CFAP46: variants seen among roughly 807,000 people sequenced by gnomAD.
CFAP46 encodes the protein cilia and flagella associated protein 46.
A neutral mutation model predicts 325.7 loss-of-function variants in CFAP46; 245 were observed. The observed-to-expected ratio is 0.75, with a 90% CI of 0.68 to 0.84. CFAP46 has a LOEUF of 0.84. CFAP46 is among the 40% of genes least tolerant of loss of function. The pLI, the probability that CFAP46 is intolerant of heterozygous loss-of-function variation, is 0.00. For synonymous variants in CFAP46, 1,523 were observed against 1,495.9 expected, an observed-to-expected ratio of 1.02 and a Z score of -0.42; for missense variants, 3,346 against 3,543.0, an observed-to-expected ratio of 0.94 and a Z score of 1.41.
At chr10:132,892,910 A>C (rs973965652) in intron 24 of CFAP46, among the ~76,000 whole-genome samples, 4 of 152,206 alleles carry the variant, frequency 2.6e-5, no homozygotes, top group Non-Finnish European at 5.9e-5. Context: ...GCCCCACACC[A>C]GGAACTTCAG....
chr10:132,851,297 G>T lies in CFAP46; in HGVS notation c.5583C>A (p.Asn1861Lys), dbSNP rs369156503. 37 of 1,613,492 alleles carry T rather than the reference G, an allele frequency of 2.3e-5. No homozygotes were observed. Among genetic ancestry groups the T allele is most frequent in the Middle Eastern group, 1.7e-4 (1 of 6,054 alleles). ...GCTTCCTCATCAGGGGCGTGTTGAC[G>T]TTCTGCAACTGAGGGGGTCAGGCAT... ...QGLLSLQDLQ[N>K]VNTPLMRKLA... The change falls in exon 40 of 58, where the codon AAC becomes AAA. Residue 1861 changes from asparagine (N) to lysine (K), a missense_variant. Transcript: ENST00000368586.
rs1848068792 is a variant in CFAP46 at position 132,827,034 on chromosome 10, CG to C, written c.7117+6323del. Among the ~76,000 whole-genome samples the C allele has an allele frequency of 6.6e-6, 1 of 152,138 alleles. No homozygotes were observed. The highest frequency in any genetic ancestry group is 6.5e-5 in the Admixed American group (1 of 15,274). ...CCATGGTGCACTTCACTATCAAAAA[CG>C]GTTTCCGACACCTCCATGAGCCTCG... On this transcript the variant is annotated intron_variant, in intron 50 of 57. Coordinates refer to ENST00000368586, the MANE Select transcript of CFAP46 (RefSeq NM_001200049.3). The surrounding 1 kb of genome is among the most constrained non-coding windows in gnomAD (Gnocchi z 5.7).
Position 132,876,169 on chromosome 10 carries a change from G to A in CFAP46, c.4362+643C>T, listed in dbSNP as rs758201751. Among the ~76,000 whole-genome samples the A allele has an allele frequency of 2.2e-4, 33 of 152,218 alleles. No homozygotes were observed. Among genetic ancestry groups the A allele is most frequent in the Non-Finnish European group, 3.7e-4 (25 of 68,028 alleles). ...AGGGGAATGCCCCTGCCCACCCACC[G>A]GCTGCTGATATTGAGGGGAGTGGCA... On this transcript the variant is annotated intron_variant, in intron 31 of 57. Transcript: ENST00000368586. This position sits in a 1 kb window ranked among gnomAD's most constrained non-coding sequence, Gnocchi z 4.1.
In CFAP46 at chr10:132,898,984, A is replaced by G; in HGVS notation, c.3194T>C (p.Ile1065Thr). The G allele has an allele frequency of 6.4e-7, 1 of 1,550,458 alleles. No individual in the cohort carries two copies. The highest frequency in any genetic ancestry group is 8.7e-7 in the Non-Finnish European group (1 of 1,146,970). Residue 1065 changes from isoleucine (I) to threonine (T), a missense_variant, in exon 24 of 58, where the codon ATC becomes ACC. By Grantham distance (89) the Ile-to-Thr change is moderately conservative (BLOSUM62 -1). Transcript: ENST00000368586. ...KGALKRLIGI[I>T]NKTEARKQEK... Reference sequence around the variant, plus strand: ...CTGCTTTCTGGCCTCTGTCTTGTTGATGATGCCGATGAGCCTCTTCAGGGC... The same window carrying G: ...CTGCTTTCTGGCCTCTGTCTTGTTGGTGATGCCGATGAGCCTCTTCAGGGC...
Position 132,918,373 on chromosome 10 carries a change from C to A in CFAP46, c.1986+20G>T, listed in dbSNP as rs546845575. 3.9e-6 allele frequency: 6 copies of A among 1,526,124 alleles called. No homozygotes were observed. The South Asian group carries it at 6.1e-5, about 16-fold the overall frequency. 94.5% of individuals were successfully genotyped at this position (1,526,124 alleles called of 1,614,324 possible). A position where few individuals can be genotyped will look rare whatever the true frequency, so the allele number is the denominator to read the frequency against. On this transcript the variant is annotated intron_variant, in intron 16 of 57. Coordinates refer to ENST00000368586, the MANE Select transcript of CFAP46 (RefSeq NM_001200049.3). ...CACGACGCACCTCAGCACCGATGAA[C>A]CCCCCTCTCCATGACGCACCTCAGC...
At chr10:132,863,096 G>A (rs938429942) in intron 35 of CFAP46, among the ~76,000 whole-genome samples, 7 of 152,134 alleles carry the variant, frequency 4.6e-5, no homozygotes, top group Non-Finnish European at 8.8e-5. Flanking sequence ...CACCCATCAC[G>A]TCTGTCCTGG....
At chr10:132,931,659 C>T (rs1248255003) in intron 8 of CFAP46, among the ~76,000 whole-genome samples, 1 of 138,178 alleles carries the variant, frequency 7.2e-6, no homozygotes, top group African/African-American at 2.7e-5. Flanking sequence ...TCCCTACACT[C>T]CCCACACAGA....
chr10:132,921,787 G>A (rs1374896582), intron 13 of CFAP46, among the ~76,000 whole-genome samples: 1 of 152,222 alleles, frequency 6.6e-6, no homozygotes, highest in Non-Finnish European at 1.5e-5. Flanking sequence ...AGAGCACTCA[G>A]GGGGAATCAG....
In CFAP46 at chr10:132,860,534, G is replaced by A; in HGVS notation, c.5092-11C>T. ...AAATATGTGACACACCTGAGGACAG[G>A]CAGGGGTGGATACGGGTGTGTCTGA... On this transcript the variant is annotated splice_polypyrimidine_tract_variant and intron_variant, in intron 36 of 57. Coordinates refer to ENST00000368586, the MANE Select transcript of CFAP46 (RefSeq NM_001200049.3). 1 of 1,530,278 alleles carries A rather than the reference G, an allele frequency of 6.5e-7. No homozygotes were observed. Among genetic ancestry groups the A allele is most frequent in the East Asian group, 2.5e-5 (1 of 40,794 alleles). The allele number at this position is 1,530,278 out of a possible 1,614,324, so 94.8% of individuals were successfully genotyped here.
intron 13 of CFAP46, among the ~76,000 whole-genome samples, chr10:132,921,639 G>C (rs1452683323): frequency 6.6e-6 from 1 of 152,162 alleles, no homozygotes; most frequent in African/African-American, 2.4e-5. Flanking sequence ...AGGTAATTTG[G>C]GTCAAATGAG....
At position 132,938,581 on chromosome 10, in the gene CFAP46, C is replaced by T. The variant is rs1259833294; in HGVS notation, c.536+8G>A. ...GAGGCCACAGAGGGCACGGCGAGCT[C>T]AACTCACAGCATCAGCTCAGCACGC... On this transcript the variant is annotated splice_region_variant and intron_variant, in intron 5 of 57. Transcript: ENST00000368586. 4.3e-6 allele frequency: 7 copies of T among 1,612,062 alleles called. No homozygotes were observed. In the East Asian group the frequency reaches 1.6e-4, roughly 36 times the overall value.
chr10:132,820,156 C>T (rs753863813), intron 50 of CFAP46, among the ~76,000 whole-genome samples: 93 of 152,240 alleles, frequency 6.1e-4, no homozygotes, highest in Non-Finnish European at 8.4e-4. Context: ...AAGGTGACGA[C>T]GGAGCAGGTC....
At position 132,828,056 on chromosome 10, in the gene CFAP46, G is replaced by A; in HGVS notation, c.7117+5302C>T. Among the ~76,000 whole-genome samples, 1 of 152,206 alleles carries A rather than the reference G, an allele frequency of 6.6e-6. No individual in the cohort carries two copies. Among genetic ancestry groups the A allele is most frequent in the Non-Finnish European group, 1.5e-5 (1 of 68,040 alleles). Reference sequence around the variant, plus strand: ...ATTGCCGGGCAGGACCCCACCACGTGGCCGCACCCCAATGTGCTCATCGCC... The same window carrying A: ...ATTGCCGGGCAGGACCCCACCACGTAGCCGCACCCCAATGTGCTCATCGCC... On this transcript the variant is annotated intron_variant, in intron 50 of 57. Coordinates refer to ENST00000368586, the MANE Select transcript of CFAP46 (RefSeq NM_001200049.3). The surrounding 1 kb of genome is among the most constrained non-coding windows in gnomAD (Gnocchi z 4.9).
At chr10:132,937,153 CTAG>C in intron 6 of CFAP46, 98 bp from the exon 7 acceptor site, 1 of 657,178 alleles carries the variant, frequency 1.5e-6, no homozygotes, top group Admixed American at 3.7e-5. Flanking sequence ...AATTTTGTAT[CTAG>C]CTTTTCAGAT....
intron 11 of CFAP46, among the ~76,000 whole-genome samples, chr10:132,923,485 G>T (rs1273811444): frequency 9.6e-5 from 14 of 145,304 alleles, no homozygotes; most frequent in Admixed American, 6.1e-4. Flanking sequence ...GGGTGCCCTG[G>T]AACCCCTGGC....
rs955311264 is a variant in CFAP46, at chr10:132,847,316, G to A, written c.5958C>T (p.Gly1986=). Residue 1986 remains glycine, a synonymous_variant, in exon 42 of 58, where the codon GGC becomes GGT. Coordinates refer to ENST00000368586, the MANE Select transcript of CFAP46 (RefSeq NM_001200049.3). This position sits in a 1 kb window ranked among gnomAD's most constrained non-coding sequence, Gnocchi z 5.2. The stretch of plus-strand genomic sequence containing the variant: ...GAGACTTGAGGCCGCTCAGCTTGGC[G>A]CCCACCTGTGACACACATTGCAGGT... ...TCYWEAGPSV[G]AKLSGLKSLE... 8.1e-6 allele frequency: 13 copies of A among 1,613,308 alleles called. No homozygotes were observed. Among genetic ancestry groups the A allele is most frequent in the Admixed American group, 5.0e-5 (3 of 59,988 alleles).
In CFAP46 at chr10:132,846,258, G is replaced by C. The variant is rs1006334370; in HGVS notation, c.6268-31C>G. 11 of 1,604,664 alleles carry C rather than the reference G, an allele frequency of 6.9e-6. No homozygotes were observed. The African/African-American group carries it at 1.3e-4, about 19-fold the overall frequency. ...AGGGAGCAGGGGAGGTGTACCAGGG[G>C]CCCGAGGCCTGGGCGGGGAGGCCTT... is the stretch of plus-strand genomic sequence containing the variant. On this transcript the variant is annotated intron_variant, in intron 43 of 57. Coordinates refer to ENST00000368586, the MANE Select transcript of CFAP46 (RefSeq NM_001200049.3).
chr10:132,811,713 C>G (rs1847585101), intron 55 of CFAP46, among the ~76,000 whole-genome samples: 2 of 152,232 alleles, frequency 1.3e-5, no homozygotes, highest in South Asian at 4.1e-4. Context: ...ACTTTACTCA[C>G]TGCCTCAGTT....
rs1849644748 is a variant in CFAP46, at chr10:132,916,677, C to T, written c.1992G>A (p.Thr664=). The T allele has an allele frequency of 7.5e-6, 11 of 1,472,152 alleles. No individual in the cohort carries two copies. Among genetic ancestry groups the T allele is most frequent in the Admixed American group, 4.8e-5 (2 of 41,566 alleles). The allele number at this position is 1,472,152 out of a possible 1,614,324, so 91.2% of individuals were successfully genotyped here. A position where few individuals can be genotyped will look rare whatever the true frequency, so the allele number is the denominator to read the frequency against. Residue 664 remains threonine (T), a synonymous_variant, in exon 17 of 58, where the codon ACG becomes ACA. Transcript: ENST00000368586. ...CACCTTCTGACCGCAGCAAATGAAC[C>T]GTGGCCTGCAAAACACACATGCGGT... The part of the protein sequence containing the change: ...AEVGFIHAEA[T]VHLLRSEGVE...
Sources: allele counts gnomAD v4.1 joint callset (sites outside exome capture counted in the v4.1 genomes callset), GRCh38; gene constraint gnomAD v4.1.1; non-coding constraint Gnocchi (gnomAD v3.1); transcripts MANE v1.5; gene names NCBI Gene and HGNC (gene_info 2026-07-23, HGNC 2026-07-21).